Variants in KCNIP2 observed in about 807,000 individuals in gnomAD.
KCNIP2 encodes A-type potassium channel modulatory protein KCNIP2.
KCNIP2 carries 19 observed loss-of-function variants against 39.0 expected under a neutral mutation model. The observed-to-expected ratio is 0.49, with a 90% CI of 0.34 to 0.71. The LOEUF is 0.71. KCNIP2 is among the 30% of genes least tolerant of loss of function. The pLI is 0.01. For synonymous variants in KCNIP2, 111 were observed against 131.2 expected (o/e 0.85, Z 1.05); for missense variants, 261 against 346.0 (o/e 0.75, Z 1.95).
Position 101,828,953 on chromosome 10 carries a change from C to T in KCNIP2, c.348+122G>A. 1 of 1,519,428 alleles carries T rather than the reference C, an allele frequency of 6.6e-7. No homozygotes were observed. The highest frequency in any genetic ancestry group is 8.9e-7 in the Non-Finnish European group (1 of 1,129,912). 94.1% of individuals were successfully genotyped at this position (1,519,428 alleles called of 1,614,324 possible). ...GAACCTCCAGCTAGAAGTTCAGTCT[C>T]AGGGCCTTGCCTCCCTTCCGCCCAC... On this transcript the variant is annotated intron_variant, in intron 4 of 9. Transcript: ENST00000356640. The surrounding 1 kb of genome is among the most constrained non-coding windows in gnomAD (Gnocchi z 6.6).
chr10:101,828,568 C>T lies in KCNIP2; in HGVS notation c.418+59G>A. ...TTGGCATTCCCAGCTCCTCCAGAATCCCTCCCTCCCTCAGCCTAGAGAAGG... is the reference window on the plus strand; with the variant it reads ...TTGGCATTCCCAGCTCCTCCAGAATTCCTCCCTCCCTCAGCCTAGAGAAGG... On this transcript the variant is annotated intron_variant, in intron 5 of 9. Transcript: ENST00000356640. This position sits in a 1 kb window ranked among gnomAD's most constrained non-coding sequence, Gnocchi z 6.6. The T allele has an allele frequency of 6.3e-7, 1 of 1,592,626 alleles. No individual in the cohort carries two copies. Among genetic ancestry groups the T allele is most frequent in the Non-Finnish European group, 8.6e-7 (1 of 1,161,316 alleles).
chr10:101,838,916 A>G lies in KCNIP2; in HGVS notation c.73+4580T>C, dbSNP rs1259353308. Among the ~76,000 whole-genome samples, 3 of 152,226 alleles carry G rather than the reference A, an allele frequency of 2.0e-5. No individual in the cohort carries two copies. The highest frequency in any genetic ancestry group is 6.5e-5 in the Admixed American group (1 of 15,284). On this transcript the variant is annotated intron_variant, in intron 1 of 9. Coordinates refer to ENST00000356640, the MANE Select transcript of KCNIP2 (RefSeq NM_173191.3). This position sits in a 1 kb window ranked among gnomAD's most constrained non-coding sequence, Gnocchi z 4.0. ...TTCTATGGGCCCTGCCCAAGCAGTC[A>G]TAAGGAAATGCAAGTGGAGATGTGC...
At chr10:101,836,365 C>G (rs925208480) in intron 1 of KCNIP2, among the ~76,000 whole-genome samples, 3 of 151,192 alleles carry the variant, frequency 2.0e-5, no homozygotes, top group Non-Finnish European at 2.9e-5. Flanking sequence ...CCTCAGCCAC[C>G]GAATAGCTGG....
rs2066234529 is a variant in KCNIP2, at chr10:101,838,739, GA to G, written c.73+4756del. On this transcript the variant is annotated intron_variant, in intron 1 of 9. Transcript: ENST00000356640. The surrounding 1 kb of genome is among the most constrained non-coding windows in gnomAD (Gnocchi z 4.0). ...CCATCCATCTACCCTCCTTTTGGGG[GA>G]CAGATGGCAAGGAGAGGCCACAGGC... Among the ~76,000 whole-genome samples, 1 of 152,226 alleles carries G rather than the reference GA, an allele frequency of 6.6e-6. No homozygotes were observed. Among genetic ancestry groups the G allele is most frequent in the South Asian group, 2.1e-4 (1 of 4,834 alleles).
intron 1 of KCNIP2, among the ~76,000 whole-genome samples, chr10:101,842,166 G>A (rs1440933910): frequency 6.6e-6 from 1 of 152,186 alleles, no homozygotes; most frequent in Non-Finnish European, 1.5e-5. Flanking sequence ...GCTTTGTTTT[G>A]GCCTCAGGGA....
chr10:101,828,865 A>G lies in KCNIP2; in HGVS notation c.349-169T>C, dbSNP rs1471421352. ...GGGAAGACTTCTTTCCCAGTGCACA[A>G]ATAAAAAACATGGAACGAAACTGAC... On this transcript the variant is annotated intron_variant, in intron 4 of 9. Transcript: ENST00000356640. The surrounding 1 kb of genome is among the most constrained non-coding windows in gnomAD (Gnocchi z 6.6). 3.2e-6 allele frequency: 5 copies of G among 1,551,654 alleles called. No individual in the cohort carries two copies. Among genetic ancestry groups the G allele is most frequent in the East Asian group, 4.9e-5 (2 of 41,164 alleles).
At chr10:101,839,716 G>C (rs760095570) in intron 1 of KCNIP2, 1 of 1,598,012 alleles carries the variant, frequency 6.3e-7, no homozygotes, top group Non-Finnish European at 8.6e-7. Context: ...CTCACTTTTT[G>C]AAGGATCCTG....
rs748352842 is a variant in KCNIP2, at chr10:101,827,327, G to A, written c.*26C>T. ...TAGGGTTAGAGCATGGTCCCCCCAG[G>A]AAACACTGACCCCCTCTCCTGGGGG... On this transcript the variant is annotated 3_prime_UTR_variant, in exon 10 of 10. Coordinates refer to ENST00000356640, the MANE Select transcript of KCNIP2 (RefSeq NM_173191.3). 1.9e-6 allele frequency: 3 copies of A among 1,589,612 alleles called. No individual in the cohort carries two copies. In the African/African-American group the frequency reaches 4.0e-5, roughly 21 times the overall value.
At position 101,843,721 on chromosome 10, in the gene KCNIP2, GA is replaced by G; in HGVS notation, c.-154del. 4.6e-6 allele frequency: 2 copies of G among 439,294 alleles called. No homozygotes were observed. Among genetic ancestry groups the G allele is most frequent in the Non-Finnish European group, 8.0e-6 (2 of 249,350 alleles). 27.2% of individuals were successfully genotyped at this position (439,294 alleles called of 1,614,324 possible). A position where few individuals can be genotyped will look rare whatever the true frequency, so the allele number is the denominator to read the frequency against. ...GAGTCTGGGAATGGGCCCGGGGTCT[GA>G]GGTCTACCCGGAGGTCCTGGAGCAG... is the stretch of plus-strand genomic sequence containing the variant. On this transcript the variant is annotated 5_prime_UTR_variant, in exon 1 of 10. Coordinates refer to ENST00000356640, the MANE Select transcript of KCNIP2 (RefSeq NM_173191.3). This position sits in a 1 kb window ranked among gnomAD's most constrained non-coding sequence, Gnocchi z 6.7.
intron 1 of KCNIP2, among the ~76,000 whole-genome samples, chr10:101,841,044 G>A (rs962818170): frequency 1.3e-5 from 2 of 152,246 alleles, no homozygotes; most frequent in African/African-American, 4.8e-5. Context: ...CGGCCCCGCC[G>A]GGCTGGGAAG....
chr10:101,829,777 G>A, intron 3 of KCNIP2, 67 bp downstream of exon 3: 2 of 136,888 alleles, frequency 1.5e-5, no homozygotes, highest in South Asian at 1.6e-4. Flanking sequence ...CCCCAGGCAA[G>A]TGCCCCCCAC....
chr10:101,843,367 G>T lies in KCNIP2; in HGVS notation c.73+129C>A. The T allele has an allele frequency of 1.9e-6, 1 of 520,150 alleles. No individual in the cohort carries two copies. The highest frequency in any genetic ancestry group is 6.7e-5 in the South Asian group (1 of 14,942). The allele number at this position is 520,150 out of a possible 1,614,324, so 32.2% of individuals were successfully genotyped here. A position where few individuals can be genotyped will look rare whatever the true frequency, so the allele number is the denominator to read the frequency against. On this transcript the variant is annotated intron_variant, in intron 1 of 9. Coordinates refer to ENST00000356640, the MANE Select transcript of KCNIP2 (RefSeq NM_173191.3). The surrounding 1 kb of genome is among the most constrained non-coding windows in gnomAD (Gnocchi z 6.7). ...TGAACCCCCAGTGTCCTGCCGCCCA[G>T]ACCGGCCATAAGAGTGCCTGGGAAT...
rs780682184 is a variant in KCNIP2, at chr10:101,831,154, C to A, written c.87G>T (p.Gly29=). Residue 29 remains glycine, a synonymous_variant, in exon 2 of 10, where the codon GGG becomes GGT. Coordinates refer to ENST00000356640, the MANE Select transcript of KCNIP2 (RefSeq NM_173191.3). ...GCTGCTTCAGCGCTTTTTTAGTGGGCCCTGGAGGGTGGCCTGGGAAGAGAG... is the reference window on the plus strand; with the variant it reads ...GCTGCTTCAGCGCTTTTTTAGTGGGACCTGGAGGGTGGCCTGGGAAGAGAG... ...SYDQLTGHPP[G]PTKKALKQRF... The A allele has an allele frequency of 6.2e-7, 1 of 1,607,114 alleles. No homozygotes were observed. Among genetic ancestry groups the A allele is most frequent in the East Asian group, 2.2e-5 (1 of 44,596 alleles).
intron 1 of KCNIP2, among the ~76,000 whole-genome samples, chr10:101,836,394 C>T (rs1042408517): frequency 6.6e-6 from 1 of 151,456 alleles, no homozygotes; most frequent in African/African-American, 2.4e-5. Flanking sequence ...GCGTGCACCA[C>T]CACGCCCAGC....
chr10:101,827,266 T>C lies in KCNIP2; in HGVS notation c.*87A>G, dbSNP rs2065772283. 17 of 1,485,210 alleles carry C rather than the reference T, an allele frequency of 1.1e-5. No homozygotes were observed. Among genetic ancestry groups the C allele is most frequent in the South Asian group, 2.9e-5 (2 of 69,066 alleles). 92.0% of individuals were successfully genotyped at this position (1,485,210 alleles called of 1,614,324 possible). A position where few individuals can be genotyped will look rare whatever the true frequency, so the allele number is the denominator to read the frequency against. On this transcript the variant is annotated 3_prime_UTR_variant, in exon 10 of 10. Transcript: ENST00000356640. Reference sequence around the variant, plus strand: ...CCCCCAGGGAGGCGTAGGATGAGGATAGACCTGGGAAGAGAAGGGTGAGGT... The same window carrying C: ...CCCCCAGGGAGGCGTAGGATGAGGACAGACCTGGGAAGAGAAGGGTGAGGT...
At position 101,831,187 on chromosome 10, in the gene KCNIP2, C is replaced by A; in HGVS notation, c.74-20G>T. 1.3e-6 allele frequency: 2 copies of A among 1,546,092 alleles called. No homozygotes were observed. The highest frequency in any genetic ancestry group is 1.8e-6 in the Non-Finnish European group (2 of 1,135,718). On this transcript the variant is annotated intron_variant, in intron 1 of 9. Coordinates refer to ENST00000356640, the MANE Select transcript of KCNIP2 (RefSeq NM_173191.3). ...GGTGGCCTGGGAAGAGAGAAGACCCCAGGAAGGCACATTAACTCCCATTGT... is the reference window on the plus strand; with the variant it reads ...GGTGGCCTGGGAAGAGAGAAGACCCAAGGAAGGCACATTAACTCCCATTGT...
At chr10:101,832,400 A>G (rs183173385) in intron 1 of KCNIP2, among the ~76,000 whole-genome samples, 2 of 151,900 alleles carry the variant, frequency 1.3e-5, no homozygotes, top group African/African-American at 4.8e-5. Flanking sequence ...TGGATCTGAC[A>G]CAGTGACTAA....
Position 101,840,059 on chromosome 10 carries a change from G to GC in KCNIP2, c.73+3436_73+3437insG, listed in dbSNP as rs1253089034. 4.8e-4 allele frequency among the ~76,000 whole-genome samples: 23 copies of GC among 47,910 alleles called. No individual in the cohort carries two copies. The East Asian group carries it at 5.6e-3, about 12-fold the overall frequency. The allele number at this position is 47,910 out of a possible 152,430, so 31.4% of individuals were successfully genotyped here. A position where few individuals can be genotyped will look rare whatever the true frequency, so the allele number is the denominator to read the frequency against. On this transcript the variant is annotated intron_variant, in intron 1 of 9. Transcript: ENST00000356640. ...CAGCCGCCCCCAAAGTTCCTGGACG[G>GC]GGGGGGGGGGTGGCGGGGAGGGGCG...
intron 1 of KCNIP2, among the ~76,000 whole-genome samples, chr10:101,840,548 G>GCCC (rs1462342239): frequency 5.3e-5 from 3 of 57,024 alleles, no homozygotes; most frequent in African/African-American, 2.1e-4. Context: ...AGCCCCCCCC[G>GCCC]CACCCCCCCC....
Sources: gnomAD v4.1 joint callset for allele counts (sites outside exome capture counted in the v4.1 genomes callset) on GRCh38, gnomAD v4.1.1 for gene constraint, Gnocchi (gnomAD v3.1) non-coding constraint, MANE v1.5 for transcripts, NCBI Gene and HGNC (gene_info 2026-07-23, HGNC 2026-07-21) for gene names.